LRRC39: variants seen among roughly 807,000 people sequenced by gnomAD.
LRRC39 encodes leucine-rich repeat-containing protein 39.
A neutral mutation model predicts 39.7 loss-of-function variants in LRRC39; 35 were observed. That is an observed-to-expected ratio of 0.88 (90% CI 0.67 to 1.17). The LOEUF (loss-of-function observed/expected upper bound fraction) is 1.17, where lower values mean the gene tolerates loss of function less well. Among genes scored for constraint, LRRC39 ranks in the 50% most tolerant of loss-of-function variants. The probability of loss-of-function intolerance (pLI) is 0.00; values close to 1 mark genes in which losing one functional copy is unlikely to be tolerated. For missense variants in LRRC39, 357 were observed against 385.8 expected (o/e 0.93, Z 0.62); for synonymous variants, 113 against 134.1 (o/e 0.84, Z 1.09).
At chr1:100,177,298 G>A (rs1193192564) in intron 1 of LRRC39, among the ~76,000 whole-genome samples, 1 of 152,136 alleles carries the variant, frequency 6.6e-6, no homozygotes, top group African/African-American at 2.4e-5. Context: ...AGATAATATT[G>A]CTTTTCATTA....
At chr1:100,164,883 G>A (rs1381741647) in intron 3 of LRRC39, among the ~76,000 whole-genome samples, 1 of 151,630 alleles carries the variant, frequency 6.6e-6, no homozygotes, top group East Asian at 1.9e-4. Context: ...CTAACTTTTT[G>A]TTTTAGAGAT....
At chr1:100,169,924 G>A (rs1316223872) in intron 2 of LRRC39, among the ~76,000 whole-genome samples, 1 of 152,038 alleles carries the variant, frequency 6.6e-6, no homozygotes, top group Non-Finnish European at 1.5e-5. Flanking sequence ...CTGTATAAGG[G>A]TCCCCGTTGA....
chr1:100,168,614 A>G lies in LRRC39; in HGVS notation c.-78-20T>C. The stretch of plus-strand genomic sequence containing the variant: ...AAGGACCTAAATGTACCAGAGAAAA[A>G]AAGCAATGTTTCAGACTGTTCATTG... On this transcript the variant is annotated intron_variant, in intron 2 of 9. Coordinates refer to ENST00000370137, the MANE Select transcript of LRRC39 (RefSeq NM_144620.4). 1 of 866,034 alleles carries G rather than the reference A, an allele frequency of 1.2e-6. No homozygotes were observed. Among genetic ancestry groups the G allele is most frequent in the Non-Finnish European group, 1.8e-6 (1 of 542,194 alleles). The allele number at this position is 866,034 out of a possible 1,614,324, so 53.6% of individuals were successfully genotyped here.
Position 100,168,595 on chromosome 1 carries a change from C to G in LRRC39, c.-78-1G>C, listed in dbSNP as rs1570777075. The stretch of plus-strand genomic sequence containing the variant: ...TCATAGATACCATTTCAGAAAGGAC[C>G]TAAATGTACCAGAGAAAAAAAGCAA... On this transcript the variant is annotated splice_acceptor_variant, in intron 2 of 9. Transcript: ENST00000370137. LOFTEE classifies it low-confidence loss of function (5UTR_SPLICE). The G allele has an allele frequency of 1.9e-6, 2 of 1,033,714 alleles. No homozygotes were observed. Among genetic ancestry groups the G allele is most frequent in the East Asian group, 4.8e-5 (2 of 41,278 alleles). 64.0% of individuals were successfully genotyped at this position (1,033,714 alleles called of 1,614,324 possible). A position where few individuals can be genotyped will look rare whatever the true frequency, so the allele number is the denominator to read the frequency against.
chr1:100,175,209 GTTTT>G (rs1229457044), intron 1 of LRRC39, among the ~76,000 whole-genome samples: 1 of 151,836 alleles, frequency 6.6e-6, no homozygotes, highest in South Asian at 2.1e-4. Flanking sequence ...TTTGTTTTTT[GTTTT>G]TTTGAGACAG....
At chr1:100,164,226 CT>C (rs758104225) in intron 3 of LRRC39, among the ~76,000 whole-genome samples, 14 of 152,144 alleles carry the variant, frequency 9.2e-5, no homozygotes, top group African/African-American at 2.2e-4. Context: ...AAACTGTAGG[CT>C]TTTTTTCTTT....
chr1:100,166,894 T>C (rs1659286888), intron 3 of LRRC39, among the ~76,000 whole-genome samples: 1 of 152,208 alleles, frequency 6.6e-6, no homozygotes, highest in South Asian at 2.1e-4. Flanking sequence ...CCGTTTGCTC[T>C]TCCTTCATCT....
chr1:100,175,279 C>T (rs1286207739), intron 1 of LRRC39, among the ~76,000 whole-genome samples: 3 of 151,634 alleles, frequency 2.0e-5, no homozygotes, highest in Admixed American at 2.0e-4. Flanking sequence ...TTATAGTAGC[C>T]TTGATCTCCT....
intron 9 of LRRC39, 90 bp downstream of exon 9, chr1:100,152,295 A>G: frequency 1.6e-6 from 2 of 1,273,432 alleles, no homozygotes; most frequent in Non-Finnish European, 2.1e-6. Context: ...TGAGAAATAT[A>G]TAAAGGAATT....
intron 8 of LRRC39, among the ~76,000 whole-genome samples, chr1:100,154,469 CATA>C (rs887593437): frequency 5.3e-5 from 8 of 152,000 alleles, no homozygotes; most frequent in Non-Finnish European, 1.0e-4. Context: ...TAGCATGAAA[CATA>C]ATAAAGAAAA....
chr1:100,158,452 T>C (rs1350204265), intron 5 of LRRC39, 85 bp from the exon 6 acceptor site: 18 of 1,293,292 alleles, frequency 1.4e-5, no homozygotes, highest in Non-Finnish European at 1.9e-5. Flanking sequence ...AACTTTTTTT[T>C]TTTGAGACGG....
intron 6 of LRRC39, 52 bp from the exon 7 acceptor site, chr1:100,156,369 T>C (rs1178681599): frequency 6.6e-7 from 1 of 1,516,100 alleles, no homozygotes. Context: ...TGTAAACTAC[T>C]AAAAGACTCA....
intron 4 of LRRC39, among the ~76,000 whole-genome samples, chr1:100,159,869 T>C (rs1434254216): frequency 6.6e-6 from 1 of 152,198 alleles, no homozygotes; most frequent in East Asian, 1.9e-4. Context: ...AATTTGAGAA[T>C]TTTAAGAGTT....
intron 3 of LRRC39, 130 bp from the exon 4 acceptor site, chr1:100,160,701 T>C (rs1446018904): frequency 5.4e-6 from 3 of 555,086 alleles, no homozygotes; most frequent in Middle Eastern, 4.1e-4. Context: ...CTCGGCCCAC[T>C]GCAACCTCTG....
intron 1 of LRRC39, among the ~76,000 whole-genome samples, chr1:100,174,811 T>A (rs1659852010): frequency 6.6e-6 from 1 of 152,224 alleles, no homozygotes. Flanking sequence ...AGATATACTA[T>A]ATCACAATAT....
At chr1:100,156,515 A>G (rs1658458833) in intron 6 of LRRC39, among the ~76,000 whole-genome samples, 198 bp from the exon 7 acceptor site, 1 of 152,240 alleles carries the variant, frequency 6.6e-6, no homozygotes, top group African/African-American at 2.4e-5. Context: ...ACTCTCATAG[A>G]AAGTTCATCT....
chr1:100,149,478 TG>T, intron 9 of LRRC39: 1 of 1,508,356 alleles, frequency 6.6e-7, no homozygotes, highest in Non-Finnish European at 8.9e-7. Flanking sequence ...ATTATTTTGT[TG>T]GATAATTGTC....
In LRRC39 at chr1:100,150,848, C is replaced by A. The variant is rs545707720; in HGVS notation, c.952+1537G>T. Among the ~76,000 whole-genome samples, 22 of 152,202 alleles carry A rather than the reference C, an allele frequency of 1.4e-4. No homozygotes were observed. In the South Asian group the frequency reaches 4.4e-3, roughly 30 times the overall value. The stretch of plus-strand genomic sequence containing the variant: ...GGTGCATCAAATTTACTGCTAAGGG[C>A]CAGGTGTGGTGGCTTACACCTGTAA... On this transcript the variant is annotated intron_variant, in intron 9 of 9. Coordinates refer to ENST00000370137, the MANE Select transcript of LRRC39 (RefSeq NM_144620.4).
intron 2 of LRRC39, among the ~76,000 whole-genome samples, chr1:100,172,093 C>CAAT (rs1267493479): frequency 6.6e-6 from 1 of 151,958 alleles, no homozygotes; most frequent in Non-Finnish European, 1.5e-5. Flanking sequence ...CAATAGAATA[C>CAAT]AATAATAATA....
Sources: gnomAD v4.1 joint callset for allele counts (sites outside exome capture counted in the v4.1 genomes callset) on GRCh38, gnomAD v4.1.1 for gene constraint, MANE v1.5 for transcripts, NCBI Gene and HGNC (gene_info 2026-07-23, HGNC 2026-07-21) for gene names.